Variants in CNTN5 observed in about 807,000 individuals in gnomAD.
CNTN5 encodes contactin-5.
CNTN5 carries 77 observed loss-of-function variants against 129.1 expected under a neutral mutation model. That is an observed-to-expected ratio of 0.60 (90% CI 0.50 to 0.72). CNTN5 has a LOEUF of 0.72. Ranked by LOEUF, CNTN5 falls within the 30% of genes least tolerant of loss-of-function variation. CNTN5 has a pLI of 0.00. For synonymous variants in CNTN5, 509 were observed against 465.6 expected, an observed-to-expected ratio of 1.09 and a Z score of -1.20; for missense variants, 1,478 against 1,328.8, an observed-to-expected ratio of 1.11 and a Z score of -1.75.
At chr11:99,490,731 A>C (rs186156775) in intron 2 of CNTN5, among the ~76,000 whole-genome samples, 1 of 152,172 alleles carries the variant, frequency 6.6e-6, no homozygotes, top group Non-Finnish European at 1.5e-5. Context: ...TTCTCAGTTT[A>C]TATGGGATGG....
chr11:99,539,656 C>A (rs1218127624), intron 2 of CNTN5, among the ~76,000 whole-genome samples: 1 of 152,080 alleles, frequency 6.6e-6, no homozygotes, highest in African/African-American at 2.4e-5. Context: ...AACACTATCA[C>A]ACAGCCAGGA....
intron 2 of CNTN5, among the ~76,000 whole-genome samples, chr11:99,460,759 C>T (rs919140265): frequency 1.3e-5 from 2 of 151,886 alleles, no homozygotes; most frequent in Non-Finnish European, 2.9e-5. Flanking sequence ...AGGGAAAAGT[C>T]GAATTCTCGT....
At chr11:99,021,333 C>T (rs780352478) in intron 1 of CNTN5, 63 bp downstream of exon 1, 2 of 152,128 alleles carry the variant, frequency 1.3e-5, no homozygotes, top group Non-Finnish European at 2.9e-5. Context: ...CATCTCCCAG[C>T]CACTTAGGAT....
chr11:99,298,148 G>A (rs1398653704), intron 1 of CNTN5, among the ~76,000 whole-genome samples: 1 of 152,068 alleles, frequency 6.6e-6, no homozygotes, highest in Non-Finnish European at 1.5e-5. Context: ...GTCGCTAGAA[G>A]CTCCACTTCT....
intron 1 of CNTN5, among the ~76,000 whole-genome samples, chr11:99,072,857 T>G (rs934757885): frequency 6.6e-6 from 1 of 152,168 alleles, no homozygotes; most frequent in Non-Finnish European, 1.5e-5. Flanking sequence ...TCTCAAATGA[T>G]TCCTTTGCAC....
chr11:99,573,027 G>A, intron 3 of CNTN5, among the ~76,000 whole-genome samples: 1 of 151,960 alleles, frequency 6.6e-6, no homozygotes, highest in Non-Finnish European at 1.5e-5. Flanking sequence ...CAAATATGAT[G>A]GAATATTTAA....
intron 3 of CNTN5, among the ~76,000 whole-genome samples, chr11:99,690,140 T>C (rs935630239): frequency 3.3e-5 from 5 of 152,194 alleles, no homozygotes; most frequent in Non-Finnish European, 5.9e-5. Context: ...TTCAATTTTC[T>C]GCATATGGCT....
intron 2 of CNTN5, among the ~76,000 whole-genome samples, chr11:99,379,866 A>T (rs1428912532): frequency 6.6e-6 from 1 of 152,076 alleles, no homozygotes; most frequent in Non-Finnish European, 1.5e-5. Flanking sequence ...AGGCTGAGGC[A>T]TATGTATGTG....
intron 15 of CNTN5, among the ~76,000 whole-genome samples, chr11:100,221,874 C>T (rs568499713): frequency 6.6e-6 from 1 of 151,758 alleles, no homozygotes; most frequent in East Asian, 1.9e-4. Flanking sequence ...TCCTAAGAGA[C>T]AAAAAGTGAA....
intron 3 of CNTN5, among the ~76,000 whole-genome samples, chr11:99,685,052 T>C (rs1953729785): frequency 6.6e-6 from 1 of 151,652 alleles, no homozygotes; most frequent in African/African-American, 2.4e-5. Context: ...TATTTAAACA[T>C]AAATTTTCTT....
intron 18 of CNTN5, among the ~76,000 whole-genome samples, chr11:100,286,738 G>A (rs1451225923): frequency 2.0e-5 from 3 of 147,474 alleles, no homozygotes; most frequent in Non-Finnish European, 4.5e-5. Context: ...CACCAGCAAC[G>A]GAACAAAGCT....
At position 99,351,181 on chromosome 11, in the gene CNTN5, C is replaced by A. The variant is rs77501791; in HGVS notation, c.-71+25697C>A. On this transcript the variant is annotated intron_variant, in intron 2 of 24. Coordinates refer to ENST00000524871, the MANE Select transcript of CNTN5 (RefSeq NM_014361.4). ...TTAAAGTATAATAATAAAAAAAGGTCCATTTAACTCCCTGTTATACTAGTA... is the reference window on the plus strand; with the variant it reads ...TTAAAGTATAATAATAAAAAAAGGTACATTTAACTCCCTGTTATACTAGTA... Among the ~76,000 whole-genome samples the A allele has an allele frequency of 2.0e-5, 3 of 152,074 alleles. No individual in the cohort carries two copies. In the East Asian group the frequency reaches 5.8e-4, roughly 29 times the overall value.
At chr11:99,910,571 C>G (rs1404893224) in intron 6 of CNTN5, among the ~76,000 whole-genome samples, 1 of 151,960 alleles carries the variant, frequency 6.6e-6, no homozygotes, top group East Asian at 1.9e-4. Flanking sequence ...TTGCTTTTGT[C>G]CTGGTATAGT....
chr11:99,880,891 G>A (rs1275837618), intron 6 of CNTN5, among the ~76,000 whole-genome samples: 1 of 152,040 alleles, frequency 6.6e-6, no homozygotes, highest in Non-Finnish European at 1.5e-5. Flanking sequence ...GAAATGTTAT[G>A]ACTTTTTTAA....
intron 2 of CNTN5, among the ~76,000 whole-genome samples, chr11:99,529,326 T>C (rs1290411062): frequency 3.9e-5 from 6 of 152,198 alleles, no homozygotes; most frequent in Non-Finnish European, 8.8e-5. Flanking sequence ...TCCAGTCAAG[T>C]TGACACCTAA....
intron 2 of CNTN5, among the ~76,000 whole-genome samples, chr11:99,518,250 T>G (rs7944648): frequency 6.6e-6 from 1 of 152,144 alleles, no homozygotes; most frequent in Non-Finnish European, 1.5e-5. Flanking sequence ...CCAGTAGGTG[T>G]CATTCACAGG....
At chr11:99,326,066 A>G (rs1865776587) in intron 2 of CNTN5, among the ~76,000 whole-genome samples, 1 of 152,220 alleles carries the variant, frequency 6.6e-6, no homozygotes. Flanking sequence ...AACAGAAATT[A>G]CTAAAGAGTG....
At chr11:99,354,210 A>G (rs1414308689) in intron 2 of CNTN5, among the ~76,000 whole-genome samples, 1 of 152,206 alleles carries the variant, frequency 6.6e-6, no homozygotes. Flanking sequence ...CATGAATGCT[A>G]CATTATGCTA....
chr11:99,646,367 C>T (rs1423048717), intron 3 of CNTN5, among the ~76,000 whole-genome samples: 7 of 152,172 alleles, frequency 4.6e-5, no homozygotes, highest in African/African-American at 1.4e-4. Flanking sequence ...GAAATTTATT[C>T]TATCTGCATT....
Sources: gnomAD v4.1 joint callset for allele counts (sites outside exome capture counted in the v4.1 genomes callset) on GRCh38, gnomAD v4.1.1 for gene constraint, MANE v1.5 for transcripts, NCBI Gene and HGNC (gene_info 2026-07-23, HGNC 2026-07-21) for gene names.